Variants in GAB2 observed in about 807,000 individuals in gnomAD.
GAB2 encodes the protein GRB2 associated binding protein 2.
Under a neutral mutation model 65.5 loss-of-function variants are expected in GAB2, and 26 were observed. That is an observed-to-expected ratio of 0.40 (90% confidence interval 0.29 to 0.55). The LOEUF is 0.55. Among genes scored for constraint, GAB2 ranks in the 20% least tolerant of loss-of-function variants. The pLI is 0.53. For missense variants in GAB2, 884 were observed against 875.8 expected, an observed-to-expected ratio of 1.01 and a Z score of -0.12; for synonymous variants, 321 against 329.6, an observed-to-expected ratio of 0.97 and a Z score of 0.28.
chr11:78,403,828 A>G (rs1182067853), intron 1 of GAB2, among the ~76,000 whole-genome samples: 2 of 152,218 alleles, frequency 1.3e-5, no homozygotes, highest in African/African-American at 2.4e-5. Flanking sequence ...AAATATGTGT[A>G]AACTACTCAT....
rs1304657865 is a variant in GAB2, at chr11:78,215,449, T to C, written c.*3823A>G. ...CACCCACCGGATAAATATGTTACAA[T>C]TTAAAAAAAAGAATACAACAGAATA... On this transcript the variant is annotated 3_prime_UTR_variant, in exon 10 of 10. Transcript: ENST00000361507. The C allele has an allele frequency of 6.6e-6, 1 of 152,368 alleles. No individual in the cohort carries two copies. Among genetic ancestry groups the C allele is most frequent in the East Asian group, 1.9e-4 (1 of 5,198 alleles). 9.4% of individuals were successfully genotyped at this position (152,368 alleles called of 1,614,324 possible).
chr11:78,397,056 C>T (rs574126219), intron 1 of GAB2, among the ~76,000 whole-genome samples: 7 of 152,182 alleles, frequency 4.6e-5, no homozygotes, highest in South Asian at 4.1e-4. Context: ...ATTACAAGTG[C>T]TATTTATTAA....
intron 1 of GAB2, among the ~76,000 whole-genome samples, chr11:78,317,583 A>G (rs1228913645): frequency 6.7e-6 from 1 of 150,116 alleles, no homozygotes; most frequent in Non-Finnish European, 1.5e-5. Context: ...AAAAAAAAAG[A>G]TGATTATGAT....
chr11:78,320,789 T>C (rs1448905706), intron 1 of GAB2, among the ~76,000 whole-genome samples: 1 of 143,018 alleles, frequency 7.0e-6, no homozygotes, highest in African/African-American at 2.6e-5. Flanking sequence ...CTGATCTATC[T>C]CAAACTCCTG....
At chr11:78,259,391 G>C (rs1865677128) in intron 2 of GAB2, among the ~76,000 whole-genome samples, 1 of 152,134 alleles carries the variant, frequency 6.6e-6, no homozygotes, top group Admixed American at 6.5e-5. Flanking sequence ...AAAGAATTTT[G>C]ACAACAGTAT....
In GAB2 at chr11:78,310,520, A is replaced by G. The variant is rs1044517960; in HGVS notation, c.76-29619T>C. The stretch of plus-strand genomic sequence containing the variant: ...CAGAGCAAGACTCTGTCTCAAAAAA[A>G]AAAAAAAAAAGAAAAAAAAATCAAA... On this transcript the variant is annotated intron_variant, in intron 1 of 9. Coordinates refer to ENST00000361507, the MANE Select transcript of GAB2 (RefSeq NM_080491.3). Among the ~76,000 whole-genome samples the G allele has an allele frequency of 8.4e-3, 1,266 of 150,782 alleles. 15 individuals are homozygous for G. Among genetic ancestry groups the G allele is most frequent in the African/African-American group, 0.03 (1,200 of 40,380 alleles).
intron 1 of GAB2, among the ~76,000 whole-genome samples, chr11:78,354,982 T>C (rs1036635674): frequency 3.3e-5 from 5 of 152,226 alleles, no homozygotes; most frequent in African/African-American, 1.2e-4. Flanking sequence ...ACTTTCACTG[T>C]TCAATTTCTA....
intron 1 of GAB2, among the ~76,000 whole-genome samples, chr11:78,346,574 T>TGAGAAGAGAA (rs199705805): frequency 8.4e-6 from 1 of 118,654 alleles, no homozygotes; most frequent in Non-Finnish European, 1.6e-5. Context: ...TCATGCTGCC[T>TGAGAAGAGAA]GAGAAGAGAA....
intron 3 of GAB2, among the ~76,000 whole-genome samples, chr11:78,242,011 A>G (rs1447986639): frequency 6.6e-6 from 1 of 152,250 alleles, no homozygotes; most frequent in Non-Finnish European, 1.5e-5. Context: ...TCATTAGCAC[A>G]TGTGACATTC....
chr11:78,327,356 G>A lies in GAB2; in HGVS notation c.76-46455C>T, dbSNP rs558898448. On this transcript the variant is annotated intron_variant, in intron 1 of 9. Transcript: ENST00000361507. ...GAACCAAGCACCTCAAGCTGGGAAT[G>A]GTTGTGGGAGGAGGAAAGTAATCAA... 9.9e-5 allele frequency among the ~76,000 whole-genome samples: 15 copies of A among 152,280 alleles called. No homozygotes were observed. The East Asian group carries it at 2.7e-3, about 27-fold the overall frequency.
intron 1 of GAB2, among the ~76,000 whole-genome samples, chr11:78,329,047 C>T: frequency 6.6e-6 from 1 of 152,022 alleles, no homozygotes; most frequent in Admixed American, 6.5e-5. Flanking sequence ...ATAAGATGCA[C>T]AATGGGTGGT....
chr11:78,387,848 G>T (rs1037444614), intron 1 of GAB2, among the ~76,000 whole-genome samples: 22 of 152,286 alleles, frequency 1.4e-4, no homozygotes, highest in Admixed American at 1.4e-3. Flanking sequence ...ATTGCTTGGG[G>T]TCAAAATGTG....
At chr11:78,399,327 A>G (rs1856940928) in intron 1 of GAB2, among the ~76,000 whole-genome samples, 1 of 152,238 alleles carries the variant, frequency 6.6e-6, no homozygotes, top group South Asian at 2.1e-4. Context: ...AAGCAAGCCC[A>G]GAAGGCGGCT....
At chr11:78,330,769 T>C (rs1295118372) in intron 1 of GAB2, among the ~76,000 whole-genome samples, 1 of 152,206 alleles carries the variant, frequency 6.6e-6, no homozygotes, top group African/African-American at 2.4e-5. Context: ...GTTATTTTCT[T>C]AATGGAAATA....
At chr11:78,341,715 C>T in intron 1 of GAB2, 2 of 971,626 alleles carry the variant, frequency 2.1e-6, no homozygotes, top group Non-Finnish European at 2.4e-6. Context: ...TATTCAGAAC[C>T]TGCTAGGTAC....
At chr11:78,372,077 G>A (rs1251958422) in intron 1 of GAB2, among the ~76,000 whole-genome samples, 3 of 152,198 alleles carry the variant, frequency 2.0e-5, no homozygotes, top group African/African-American at 7.2e-5. Flanking sequence ...GGTAGGGGGA[G>A]CAGAAGAGAG....
At chr11:78,313,285 C>A (rs914256102) in intron 1 of GAB2, among the ~76,000 whole-genome samples, 1 of 152,038 alleles carries the variant, frequency 6.6e-6, no homozygotes, top group Non-Finnish European at 1.5e-5. Flanking sequence ...CACAATAAAG[C>A]AAAGACTGAA....
At chr11:78,351,595 C>T (rs1039923362) in intron 1 of GAB2, among the ~76,000 whole-genome samples, 10 of 152,182 alleles carry the variant, frequency 6.6e-5, no homozygotes, top group African/African-American at 2.4e-4. Context: ...ATCTCATTAA[C>T]TCCCAGTGCT....
At chr11:78,388,302 C>T (rs1420922362) in intron 1 of GAB2, 2 of 151,924 alleles carry the variant, frequency 1.3e-5, no homozygotes, top group African/African-American at 2.4e-5. Context: ...GTGCTAAGAT[C>T]ACAAACATGA....
Sources: allele counts gnomAD v4.1 joint callset (sites outside exome capture counted in the v4.1 genomes callset), GRCh38; gene constraint gnomAD v4.1.1; transcripts MANE v1.5; gene names NCBI Gene and HGNC (gene_info 2026-07-23, HGNC 2026-07-21).